KLHL8: variants seen among roughly 807,000 people sequenced by gnomAD.
KLHL8 encodes kelch like family member 8.
KLHL8 carries 38 observed loss-of-function variants against 63.5 expected under a neutral mutation model. The observed-to-expected ratio is 0.60, with a 90% CI of 0.46 to 0.78. KLHL8 has a LOEUF of 0.78. Among genes scored for constraint, KLHL8 ranks in the 30% least tolerant of loss-of-function variants. The pLI, the probability that KLHL8 is intolerant of heterozygous loss-of-function variation, is 0.00. For synonymous variants in KLHL8, 224 were observed against 254.3 expected, an observed-to-expected ratio of 0.88 and a Z score of 1.13; for missense variants, 566 against 752.4, an observed-to-expected ratio of 0.75 and a Z score of 2.90.
Position 87,163,363 on chromosome 4 carries a change from A to G in KLHL8, c.*156T>C, listed in dbSNP as rs542435648. 30 of 614,248 alleles carry G rather than the reference A, an allele frequency of 4.9e-5. No individual in the cohort carries two copies. The highest frequency in any genetic ancestry group is 4.1e-4 in the African/African-American group (22 of 53,698). 38.0% of individuals were successfully genotyped at this position (614,248 alleles called of 1,614,324 possible). On this transcript the variant is annotated 3_prime_UTR_variant, in exon 10 of 10. Coordinates refer to ENST00000273963, the MANE Select transcript of KLHL8 (RefSeq NM_020803.5). ...CTCTATTACTAATAATTCTTCAGGTATCATTCCAAAAGTTGTACTTAGTCA... is the reference window on the plus strand; with the variant it reads ...CTCTATTACTAATAATTCTTCAGGTGTCATTCCAAAAGTTGTACTTAGTCA...
rs1196459969 is a variant in KLHL8, at chr4:87,161,504, A to T, written c.*2015T>A. ...AAAAACCAGAAATGAAAATATAATA[A>T]CCCTTATAACTCCTTACATATAAGA... On this transcript the variant is annotated 3_prime_UTR_variant, in exon 10 of 10. Transcript: ENST00000273963. 1.3e-5 allele frequency: 2 copies of T among 152,196 alleles called. No homozygotes were observed. The highest frequency in any genetic ancestry group is 4.8e-5 in the African/African-American group (2 of 41,452). 9.4% of individuals were successfully genotyped at this position (152,196 alleles called of 1,614,324 possible).
chr4:87,192,570 CA>C (rs2110008683), intron 2 of KLHL8, among the ~76,000 whole-genome samples: 1 of 152,254 alleles, frequency 6.6e-6, no homozygotes, highest in East Asian at 1.9e-4. Context: ...CAAGCTATAC[CA>C]TATAGCCTAT....
intron 1 of KLHL8, among the ~76,000 whole-genome samples, chr4:87,213,631 T>G (rs1390830279): frequency 6.6e-6 from 1 of 152,220 alleles, no homozygotes; most frequent in East Asian, 1.9e-4. Context: ...CTAATCTCTC[T>G]GTGTCTCAAT....
chr4:87,207,126 T>C (rs577275402), intron 1 of KLHL8: 6 of 540,000 alleles, frequency 1.1e-5, no homozygotes, highest in Non-Finnish European at 1.8e-5. Flanking sequence ...TTTGGTCGTA[T>C]TGGATGCCTG....
chr4:87,195,473 G>A lies in KLHL8; in HGVS notation c.67C>T (p.Gln23Ter). 1 of 1,613,900 alleles carries A rather than the reference G, an allele frequency of 6.2e-7. No individual in the cohort carries two copies. ...NHITKGKRQQ[Q>*]HQQIKNRSSI... is the part of the protein sequence containing the mutation. ...GATCTGTTCTTTATTTGCTGGTGCT[G>A]TTGTTGCCTTTTCCCCTTTGTAATG... Residue 23 changes from glutamine (Q) to a stop codon, truncating the protein, a stop_gained, in exon 2 of 10, where the codon CAG (glutamine) becomes TAG (stop). Transcript: ENST00000273963. LOFTEE classifies it high-confidence loss of function.
upstream of KLHL8, among the ~76,000 whole-genome samples, chr4:87,223,774 TA>T (rs992624611): frequency 3.9e-5 from 6 of 152,312 alleles, no homozygotes; most frequent in African/African-American, 1.4e-4. Flanking sequence ...AATAATTACT[TA>T]AAAATATATA....
At chr4:87,196,830 T>C (rs1731716409) in intron 1 of KLHL8, among the ~76,000 whole-genome samples, 1 of 152,230 alleles carries the variant, frequency 6.6e-6, no homozygotes, top group Non-Finnish European at 1.5e-5. Flanking sequence ...GAGGCTTTAC[T>C]AATCCTCAGT....
intron 1 of KLHL8, among the ~76,000 whole-genome samples, chr4:87,217,617 A>G (rs372456794): frequency 6.8e-5 from 10 of 147,036 alleles, no homozygotes; most frequent in African/African-American, 2.5e-4. Context: ...AAGTGCTAGG[A>G]TTACAAGCAT....
chr4:87,171,381 T>G (rs1391102586), intron 6 of KLHL8, among the ~76,000 whole-genome samples: 4 of 152,162 alleles, frequency 2.6e-5, no homozygotes, highest in African/African-American at 7.2e-5. Context: ...CTATGAAGTA[T>G]TAGCTTTTAT....
intron 4 of KLHL8, 31 bp from the exon 5 acceptor site, chr4:87,178,651 T>C: frequency 6.7e-7 from 1 of 1,483,296 alleles, no homozygotes; most frequent in South Asian, 1.4e-5. Context: ...TAGAGATAAA[T>C]CATAGCTGCC....
rs1206985430 is a variant in KLHL8, at chr4:87,207,576, C to A, written c.-151-11886G>T. On this transcript the variant is annotated intron_variant, in intron 1 of 9. Coordinates refer to ENST00000273963, the MANE Select transcript of KLHL8 (RefSeq NM_020803.5). ...GCTTAGCGCCCCTGGCCAATGTCAT[C>A]CATGACAACTTTGGTATCGTGGAAG... is the stretch of plus-strand genomic sequence containing the variant. The A allele has an allele frequency of 8.1e-5, 96 of 1,178,362 alleles. No homozygotes were observed. In the East Asian group the frequency reaches 2.1e-3, roughly 26 times the overall value. 73.0% of individuals were successfully genotyped at this position (1,178,362 alleles called of 1,614,324 possible). A position where few individuals can be genotyped will look rare whatever the true frequency, so the allele number is the denominator to read the frequency against.
At chr4:87,194,513 A>C (rs1003974732) in intron 2 of KLHL8, among the ~76,000 whole-genome samples, 11 of 152,206 alleles carry the variant, frequency 7.2e-5, no homozygotes, top group African/African-American at 2.7e-4. Context: ...TCTACAAAAA[A>C]AATGTTTTAA....
Position 87,211,462 on chromosome 4 carries a change from A to C in KLHL8, c.-152+8956T>G, listed in dbSNP as rs183288355. Among the ~76,000 whole-genome samples, 98 of 152,328 alleles carry C rather than the reference A, an allele frequency of 6.4e-4. No individual in the cohort carries two copies. In the Middle Eastern group the frequency reaches 0.014, roughly 21 times the overall value. ...TCAATAGTTCCTACTCAAAGTATAC[A>C]TGACTTCCAACAAATTACTGCCGTG... On this transcript the variant is annotated intron_variant, in intron 1 of 9. Transcript: ENST00000273963.
At chr4:87,165,022 G>T (rs756792144) in intron 8 of KLHL8, among the ~76,000 whole-genome samples, 21 of 151,626 alleles carry the variant, frequency 1.4e-4, no homozygotes, top group Admixed American at 1.1e-3. Context: ...GGTGGCGGGC[G>T]CCTGTAGTCC....
At chr4:87,173,209 G>A (rs992641124) in intron 6 of KLHL8, among the ~76,000 whole-genome samples, 2 of 151,958 alleles carry the variant, frequency 1.3e-5, no homozygotes, top group East Asian at 3.9e-4. Flanking sequence ...ATAATAAATG[G>A]GACTTCATTA....
At chr4:87,221,994 G>A (rs1232150994), upstream of KLHL8, among the ~76,000 whole-genome samples, 1 of 152,096 alleles carries the variant, frequency 6.6e-6, no homozygotes, top group African/African-American at 2.4e-5. Context: ...TTGCCGCGCT[G>A]AACTGAGGAA....
At chr4:87,210,819 C>T (rs1389801822) in intron 1 of KLHL8, among the ~76,000 whole-genome samples, 2 of 152,206 alleles carry the variant, frequency 1.3e-5, no homozygotes, top group Admixed American at 6.5e-5. Flanking sequence ...TCTTGCTCAT[C>T]TTCTAAGATC....
chr4:87,216,602 G>C (rs1732605518), intron 1 of KLHL8, among the ~76,000 whole-genome samples: 1 of 152,124 alleles, frequency 6.6e-6, no homozygotes, highest in South Asian at 2.1e-4. Context: ...AACAGATTCA[G>C]GTTAAGAGTC....
At chr4:87,207,132 G>A (rs1472781723) in intron 1 of KLHL8, 1 of 545,054 alleles carries the variant, frequency 1.8e-6, no homozygotes, top group Non-Finnish European at 3.5e-6. Context: ...CGTATTGGAT[G>A]CCTGGTCACC....
Sources: gnomAD v4.1 joint callset for allele counts (sites outside exome capture counted in the v4.1 genomes callset) on GRCh38, gnomAD v4.1.1 for gene constraint, MANE v1.5 for transcripts, NCBI Gene and HGNC (gene_info 2026-07-23, HGNC 2026-07-21) for gene names.